The following CLTCL1 variants were observed in gnomAD, a reference collection of about 807,000 sequenced individuals.
CLTCL1 encodes the protein clathrin heavy chain like 1, also known as clathrin heavy chain 2.
In CLTCL1, 159 loss-of-function variants were observed where a neutral mutation model predicts 190.0. The ratio of observed to expected loss-of-function variants is 0.84; its 90% CI spans 0.74 to 0.95. CLTCL1 has a LOEUF of 0.95. CLTCL1 is among the 40% of genes least tolerant of loss of function. The probability of loss-of-function intolerance (pLI) is 0.00; values close to 1 mark genes in which losing one functional copy is unlikely to be tolerated. For missense variants in CLTCL1, 1,878 were observed against 2,033.4 expected (o/e 0.92, Z 1.47); for synonymous variants, 752 against 769.6 (o/e 0.98, Z 0.38).
intron 4 of CLTCL1, among the ~76,000 whole-genome samples, chr22:19,239,948 CTT>C (rs34417269): frequency 0.011 from 1,574 of 137,156 alleles, 32 homozygotes; most frequent in East Asian, 0.07. Context: ...TCTTTTTCTT[CTT>C]TTTTTTTTTT....
intron 26 of CLTCL1, among the ~76,000 whole-genome samples, chr22:19,194,867 G>A (rs114541199): frequency 3.9e-5 from 6 of 152,156 alleles, no homozygotes; most frequent in African/African-American, 7.2e-5. Context: ...CTGCACTGGC[G>A]AGTATCCTCC....
At chr22:19,269,952 A>T (rs1299823552) in intron 2 of CLTCL1, among the ~76,000 whole-genome samples, 7 of 152,200 alleles carry the variant, frequency 4.6e-5, no homozygotes, top group South Asian at 2.1e-4. Flanking sequence ...AAAATTAAAA[A>T]AAAAAAAAAG....
At chr22:19,221,009 G>T (rs1555951945) in intron 17 of CLTCL1, among the ~76,000 whole-genome samples, 1 of 152,174 alleles carries the variant, frequency 6.6e-6, no homozygotes, top group Non-Finnish European at 1.5e-5. Flanking sequence ...GGGAATTGCA[G>T]GCCTCTCCAG....
At chr22:19,266,661 A>T (rs2087131618) in intron 2 of CLTCL1, among the ~76,000 whole-genome samples, 1 of 152,226 alleles carries the variant, frequency 6.6e-6, no homozygotes, top group East Asian at 1.9e-4. Flanking sequence ...AACCCTTAGA[A>T]TATTAGTGAA....
intron 23 of CLTCL1, 27 bp from the exon 24 acceptor site, chr22:19,199,868 G>GT: frequency 6.6e-7 from 1 of 1,515,556 alleles, no homozygotes; most frequent in Non-Finnish European, 9.0e-7. Flanking sequence ...AAGCGTGAGG[G>GT]TCCCCAAGAC....
intron 2 of CLTCL1, among the ~76,000 whole-genome samples, chr22:19,254,661 G>A (rs1049490629): frequency 3.3e-5 from 5 of 152,090 alleles, no homozygotes; most frequent in African/African-American, 1.2e-4. Flanking sequence ...CTCCAAATTT[G>A]TCTTAAATTC....
chr22:19,273,702 G>T (rs1340781695), intron 2 of CLTCL1, among the ~76,000 whole-genome samples: 1 of 152,072 alleles, frequency 6.6e-6, no homozygotes, highest in Non-Finnish European at 1.5e-5. Context: ...CTCCCTAATA[G>T]ATGAAATTTA....
At chr22:19,283,507 C>G (rs2087797710) in intron 1 of CLTCL1, among the ~76,000 whole-genome samples, 1 of 152,048 alleles carries the variant, frequency 6.6e-6, no homozygotes, top group South Asian at 2.1e-4. Context: ...TCTTGAACTC[C>G]TGGTCTCAAG....
intron 2 of CLTCL1, among the ~76,000 whole-genome samples, chr22:19,259,701 T>C (rs2086882378): frequency 6.6e-6 from 1 of 152,198 alleles, no homozygotes; most frequent in South Asian, 2.1e-4. Context: ...CTAGTCCCTC[T>C]TCCTCTCTTC....
chr22:19,232,901 A>G, intron 9 of CLTCL1: 1 of 559,416 alleles, frequency 1.8e-6, no homozygotes, highest in Non-Finnish European at 3.1e-6. Context: ...AAAATATCAA[A>G]TTAACATACA....
rs782707296 is a variant in CLTCL1 at position 19,216,199 on chromosome 22, T to C, written c.2977A>G (p.Lys993Glu). Residue 993 changes from lysine (K) to glutamate (E), a missense_variant, in exon 19 of 33, where the codon AAA becomes GAA. Coordinates refer to ENST00000427926, the MANE Select transcript of CLTCL1 (RefSeq NM_007098.4). ...GGCAGGTCGGCTGTCATAAAGGCTT[T>C]GACAGTGACCGAAATCTCTTCAGGA... Reference protein sequence around the residue: ...RDPEEISVTVKAFMTADLPNE... With the variant: ...RDPEEISVTVEAFMTADLPNE... 2.5e-6 allele frequency: 4 copies of C among 1,613,850 alleles called. No homozygotes were observed. The highest frequency in any genetic ancestry group is 3.4e-6 in the Non-Finnish European group (4 of 1,179,836).
chr22:19,195,447 G>A (rs377056451), intron 26 of CLTCL1, among the ~76,000 whole-genome samples: 10 of 152,312 alleles, frequency 6.6e-5, no homozygotes, highest in African/African-American at 9.6e-5. Context: ...CGTGCCACTC[G>A]CGCCCACCCT....
chr22:19,283,388 C>G (rs1555988181), intron 1 of CLTCL1, among the ~76,000 whole-genome samples: 1 of 152,092 alleles, frequency 6.6e-6, no homozygotes, highest in Non-Finnish European at 1.5e-5. Flanking sequence ...TCAACCGATT[C>G]TCATGCCTCA....
intron 30 of CLTCL1, chr22:19,181,874 A>T (rs2084151269): frequency 6.6e-6 from 1 of 152,236 alleles, no homozygotes; most frequent in Non-Finnish European, 1.5e-5. Flanking sequence ...GTGCTCCAGC[A>T]GCCACCACCT....
At chr22:19,191,564 G>A in intron 26 of CLTCL1, 129 bp from the exon 27 acceptor site, 1 of 1,075,862 alleles carries the variant, frequency 9.3e-7, no homozygotes, top group East Asian at 2.4e-5. Context: ...AAGACTCAAT[G>A]GCCTGTGAAG....
At chr22:19,259,548 A>G (rs547771482) in intron 2 of CLTCL1, among the ~76,000 whole-genome samples, 10 of 152,168 alleles carry the variant, frequency 6.6e-5, no homozygotes, top group Non-Finnish European at 1.3e-4. Flanking sequence ...CTTTTTCATT[A>G]TTATATTTGT....
At position 19,220,000 on chromosome 22, in the gene CLTCL1, T is replaced by C. The variant is rs368217355; in HGVS notation, c.2804A>G (p.Asn935Ser). 49 of 1,613,784 alleles carry C rather than the reference T, an allele frequency of 3.0e-5. No individual in the cohort carries two copies. Among genetic ancestry groups the C allele is most frequent in the Admixed American group, 2.7e-4 (16 of 60,004 alleles). Reference sequence around the variant, plus strand: ...CTCGCTTTTGAACAGAGAATTCTCATTGCACACCTGAAATGAGCACACTCA... The same window carrying C: ...CTCGCTTTTGAACAGAGAATTCTCACTGCACACCTGAAATGAGCACACTCA... ...QCDLELIKVC[N>S]ENSLFKSEAR... is the part of the protein sequence containing the mutation. The change falls in exon 18 of 33, where the codon AAT (asparagine) becomes AGT (serine). Residue 935 changes from asparagine to serine, a missense_variant. Asn to Ser is a conservative substitution (Grantham distance 46). Coordinates refer to ENST00000427926, the MANE Select transcript of CLTCL1 (RefSeq NM_007098.4).
At chr22:19,263,606 A>G (rs2087024486) in intron 2 of CLTCL1, among the ~76,000 whole-genome samples, 1 of 152,078 alleles carries the variant, frequency 6.6e-6, no homozygotes, top group African/African-American at 2.4e-5. Context: ...TTTTTAGTAG[A>G]GACAGGGTTT....
intron 2 of CLTCL1, chr22:19,257,712 G>A: frequency 9.4e-7 from 1 of 1,059,226 alleles, no homozygotes; most frequent in East Asian, 4.3e-5. Context: ...CAGGGCCCTG[G>A]CCACTGGGAT....
Sources: gnomAD v4.1 joint callset for allele counts (sites outside exome capture counted in the v4.1 genomes callset) on GRCh38, gnomAD v4.1.1 for gene constraint, MANE v1.5 for transcripts, NCBI Gene and HGNC (gene_info 2026-07-23, HGNC 2026-07-21) for gene names.